Variants in RNF220 observed in about 807,000 individuals in gnomAD.
RNF220 encodes the protein ring finger protein 220, also known as E3 ubiquitin-protein ligase RNF220.
A neutral mutation model predicts 67.1 loss-of-function variants in RNF220; 7 were observed. That is an observed-to-expected ratio of 0.10 (90% CI 0.06 to 0.20). RNF220 has a LOEUF of 0.20. Among genes scored for constraint, RNF220 ranks in the 10% least tolerant of loss-of-function variants. RNF220 has a pLI of 1.00. For missense variants in RNF220, 565 were observed against 740.3 expected (o/e 0.76, Z 2.75); for synonymous variants, 270 against 283.2 (o/e 0.95, Z 0.47).
chr1:44,625,719 A>G (rs1442993967), intron 4 of RNF220, among the ~76,000 whole-genome samples: 1 of 152,012 alleles, frequency 6.6e-6, no homozygotes, highest in African/African-American at 2.4e-5. Context: ...CAGTTTATTA[A>G]TCTAAACTGC....
In RNF220 at chr1:44,622,911, T is replaced by G. The variant is rs1643856681; in HGVS notation, c.804+124T>G. On this transcript the variant is annotated intron_variant, in intron 4 of 14. Transcript: ENST00000361799. The surrounding 1 kb of genome is among the most constrained non-coding windows in gnomAD (Gnocchi z 4.3). ...ACTATCTCCAGCTTTTCTAATATCC[T>G]CAACTATCTCCAGGTCTTGAACATC... is the stretch of plus-strand genomic sequence containing the variant. 1 of 785,902 alleles carries G rather than the reference T, an allele frequency of 1.3e-6. No homozygotes were observed. The highest frequency in any genetic ancestry group is 2.2e-6 in the Non-Finnish European group (1 of 456,528). 48.7% of individuals were successfully genotyped at this position (785,902 alleles called of 1,614,324 possible).
intron 2 of RNF220, among the ~76,000 whole-genome samples, chr1:44,422,651 T>G (rs1053880122): frequency 2.0e-5 from 3 of 152,204 alleles, no homozygotes; most frequent in African/African-American, 7.2e-5. Context: ...TTGAGTGACT[T>G]GTAAGAAACT....
chr1:44,634,893 G>T (rs1644279415), intron 6 of RNF220, among the ~76,000 whole-genome samples: 1 of 152,132 alleles, frequency 6.6e-6, no homozygotes, highest in South Asian at 2.1e-4. Flanking sequence ...CACAATAAGG[G>T]CTGCCTTCTC....
chr1:44,415,959 T>G (rs569603436), intron 2 of RNF220, among the ~76,000 whole-genome samples: 10 of 152,326 alleles, frequency 6.6e-5, no homozygotes, highest in African/African-American at 2.2e-4. Flanking sequence ...TAGGCAGGAT[T>G]TCTTTTGTGG....
chr1:44,629,650 C>G (rs993492830), intron 5 of RNF220, among the ~76,000 whole-genome samples: 1 of 151,578 alleles, frequency 6.6e-6, no homozygotes, highest in Admixed American at 6.6e-5. Context: ...CCAGCCTGGG[C>G]AACATGGCAA....
chr1:44,456,965 C>T (rs1653250023), intron 2 of RNF220, among the ~76,000 whole-genome samples: 1 of 152,070 alleles, frequency 6.6e-6, no homozygotes, highest in Admixed American at 6.5e-5. Context: ...GGATCTGGAA[C>T]ACACGTCCCC....
chr1:44,526,507 A>G (rs1660387943), intron 2 of RNF220, among the ~76,000 whole-genome samples: 1 of 152,132 alleles, frequency 6.6e-6, no homozygotes, highest in African/African-American at 2.4e-5. Flanking sequence ...CTGACTCAGT[A>G]CTACTCAGCA....
chr1:44,507,752 C>T (rs951100894), intron 2 of RNF220, among the ~76,000 whole-genome samples: 3 of 152,126 alleles, frequency 2.0e-5, no homozygotes, highest in Admixed American at 1.3e-4. Context: ...GCGGCTTGGG[C>T]GCTGGGCGGC....
chr1:44,538,314 A>G (rs756381899), intron 2 of RNF220, among the ~76,000 whole-genome samples: 1 of 152,088 alleles, frequency 6.6e-6, no homozygotes, highest in Admixed American at 6.6e-5. Flanking sequence ...GATTTACCCT[A>G]TAAATGTTTT....
intron 2 of RNF220, among the ~76,000 whole-genome samples, chr1:44,474,245 T>G (rs545625725): frequency 2.1e-4 from 32 of 151,796 alleles, no homozygotes; most frequent in Admixed American, 3.9e-4. Flanking sequence ...CCTAGTGGTG[T>G]GTGCCTGTAA....
intron 1 of RNF220, among the ~76,000 whole-genome samples, chr1:44,411,778 C>T (rs572513078): frequency 2.2e-4 from 34 of 152,076 alleles, no homozygotes; most frequent in African/African-American, 7.7e-4. Flanking sequence ...GTCAGCTACG[C>T]GTACATCACA....
At chr1:44,636,000 C>T in intron 7 of RNF220, 30 bp from the exon 8 acceptor site, 1 of 1,614,016 alleles carries the variant, frequency 6.2e-7, no homozygotes, top group Admixed American at 1.7e-5. Flanking sequence ...ATGGCCTGGG[C>T]CCAGCATGAT....
chr1:44,474,701 C>G (rs1053024344), intron 2 of RNF220, among the ~76,000 whole-genome samples: 1 of 151,362 alleles, frequency 6.6e-6, no homozygotes, highest in African/African-American at 2.4e-5. Flanking sequence ...AAGGCGAGAC[C>G]CTGTCTCCGA....
chr1:44,412,339 G>T lies in RNF220; in HGVS notation c.242G>T (p.Gly81Val). The T allele has an allele frequency of 6.2e-7, 1 of 1,614,146 alleles. No homozygotes were observed. Among genetic ancestry groups the T allele is most frequent in the Non-Finnish European group, 8.5e-7 (1 of 1,180,026 alleles). Residue 81 changes from glycine to valine, a missense_variant, in exon 2 of 15, where the codon GGC (glycine) becomes GTC (valine). Gly to Val is a moderately radical substitution (Grantham distance 109, BLOSUM62 -3). Transcript: ENST00000361799. The surrounding 1 kb of genome is among the most constrained non-coding windows in gnomAD (Gnocchi z 5.3). The stretch of plus-strand genomic sequence containing the variant: ...TACCATCGGCAAGGTGGGGTGCCAG[G>T]CACTTTTGCCAATCGTGATTTCCCC... ...SMYHRQGGVP[G>V]TFANRDFPPS...
At position 44,587,875 on chromosome 1, in the gene RNF220, G is replaced by C. The variant is rs573127082; in HGVS notation, c.626-26290G>C. On this transcript the variant is annotated intron_variant, in intron 2 of 14. Coordinates refer to ENST00000361799, the MANE Select transcript of RNF220 (RefSeq NM_018150.4). ...AACTCCCATTACCAGATGCGTGCGT[G>C]AGATAGCTCCTGGCATGAATGTGCA... Among the ~76,000 whole-genome samples the C allele has an allele frequency of 2.0e-5, 3 of 152,348 alleles. No individual in the cohort carries two copies. In the East Asian group the frequency reaches 5.8e-4, roughly 29 times the overall value.
chr1:44,519,694 C>G (rs915005555), intron 2 of RNF220, among the ~76,000 whole-genome samples: 1 of 152,166 alleles, frequency 6.6e-6, no homozygotes, highest in African/African-American at 2.4e-5. Context: ...TCCTTGACCC[C>G]CCTCCCTCCA....
chr1:44,455,382 A>C (rs1653074224), intron 2 of RNF220, among the ~76,000 whole-genome samples: 1 of 152,198 alleles, frequency 6.6e-6, no homozygotes, highest in East Asian at 1.9e-4. Context: ...AAGGGGAAGA[A>C]AAGAAATGAA....
At chr1:44,470,840 A>C (rs6684444) in intron 2 of RNF220, among the ~76,000 whole-genome samples, 16,052 of 152,096 alleles carry the variant, frequency 0.11, 2,021 homozygotes, top group African/African-American at 0.3. Flanking sequence ...CTATTATTTC[A>C]AAAGCTTGCT....
chr1:44,479,905 T>G (rs1228063252), intron 2 of RNF220, among the ~76,000 whole-genome samples: 1 of 152,206 alleles, frequency 6.6e-6, no homozygotes. Context: ...TAAGATCCCC[T>G]CCTTCACCTT....
Sources: gnomAD v4.1 joint callset for allele counts (sites outside exome capture counted in the v4.1 genomes callset) on GRCh38, gnomAD v4.1.1 for gene constraint, Gnocchi (gnomAD v3.1) non-coding constraint, MANE v1.5 for transcripts, NCBI Gene and HGNC (gene_info 2026-07-23, HGNC 2026-07-21) for gene names.